The following ITGB1 variants were observed in gnomAD, a reference collection of about 807,000 sequenced individuals.
The protein encoded by ITGB1 is integrin beta-1.
Under a neutral mutation model 86.5 loss-of-function variants are expected in ITGB1, and 24 were observed. That is an observed-to-expected ratio of 0.28 (90% CI 0.20 to 0.39). The LOEUF is 0.39. Among genes scored for constraint, ITGB1 ranks in the 10% least tolerant of loss-of-function variants. ITGB1 has a pLI of 1.00. For synonymous variants in ITGB1, 323 were observed against 316.8 expected (o/e 1.02, Z -0.21); for missense variants, 556 against 946.9 (o/e 0.59, Z 5.42).
At chr10:32,908,656 C>T (rs1663259664) in intron 14 of ITGB1, 122 bp from the exon 15 acceptor site, 1 of 717,402 alleles carries the variant, frequency 1.4e-6, no homozygotes, top group South Asian at 2.3e-5. Flanking sequence ...TATAAAATAG[C>T]TCTTAGAACT....
intron 15 of ITGB1, among the ~76,000 whole-genome samples, chr10:32,902,984 A>G (rs926437423): frequency 6.6e-6 from 1 of 152,184 alleles, no homozygotes; most frequent in Non-Finnish European, 1.5e-5. Flanking sequence ...GGTAAATAGC[A>G]ATCTATGCAA....
chr10:32,912,171 T>G, intron 11 of ITGB1, 47 bp from the exon 12 acceptor site: 1 of 1,521,164 alleles, frequency 6.6e-7, no homozygotes, highest in Non-Finnish European at 9.0e-7. Flanking sequence ...AAAAATAATT[T>G]AAGAGGTTCC....
intron 1 of ITGB1, chr10:32,944,619 TGA>T: frequency 3.4e-6 from 2 of 589,716 alleles, no homozygotes; most frequent in Non-Finnish European, 6.6e-6. Flanking sequence ...CTATATGAGC[TGA>T]AAAATCTCAC....
rs369605486 is a variant in ITGB1 at position 32,912,763 on chromosome 10, G to A, written c.1470-639C>T. Reference sequence around the variant, plus strand: ...GGGCATAGCTGAACAAAATCCAGCAGAAACTTCTGCAGACTTAAACATCCG... The same window carrying A: ...GGGCATAGCTGAACAAAATCCAGCAAAAACTTCTGCAGACTTAAACATCCG... On this transcript the variant is annotated intron_variant, in intron 11 of 15. Transcript: ENST00000302278. 3.3e-5 allele frequency among the ~76,000 whole-genome samples: 5 copies of A among 152,360 alleles called. No individual in the cohort carries two copies. The East Asian group carries it at 5.8e-4, about 18-fold the overall frequency.
intron 1 of ITGB1, among the ~76,000 whole-genome samples, chr10:32,943,512 C>T (rs2095023967): frequency 6.6e-6 from 1 of 151,880 alleles, no homozygotes; most frequent in African/African-American, 2.4e-5. Flanking sequence ...AGGTGCAGTG[C>T]TACCAAAAAG....
rs924030166 is a variant in ITGB1, at chr10:32,900,318, T to G, written c.*1252A>C. 2.0e-5 allele frequency: 3 copies of G among 152,460 alleles called. No homozygotes were observed. Among genetic ancestry groups the G allele is most frequent in the Non-Finnish European group, 4.4e-5 (3 of 68,020 alleles). The allele number at this position is 152,460 out of a possible 1,614,324, so 9.4% of individuals were successfully genotyped here. ...AAGTGAACTACCCACCAACCAGAAA[T>G]GCTTTTCCTCAACTTCTTTAATCTA... On this transcript the variant is annotated 3_prime_UTR_variant, in exon 16 of 16. Coordinates refer to ENST00000302278, the MANE Select transcript of ITGB1 (RefSeq NM_002211.4).
chr10:32,912,189 C>T, intron 11 of ITGB1, 65 bp from the exon 12 acceptor site: 2 of 1,358,810 alleles, frequency 1.5e-6, no homozygotes, highest in Non-Finnish European at 1.0e-6. Context: ...TCCAAGATGG[C>T]CAAACAGGAA....
In ITGB1 at chr10:32,923,744, G is replaced by C; in HGVS notation, c.787-4C>G. 6.2e-7 allele frequency: 1 copy of C among 1,605,326 alleles called. No individual in the cohort carries two copies. Among genetic ancestry groups the C allele is most frequent in the Non-Finnish European group, 8.5e-7 (1 of 1,176,768 alleles). ...CATTCCTCCAGCCAATCAGTGACTT[G>C]AAAAGAAAAGGATTTCAATTTTAAA... On this transcript the variant is annotated splice_region_variant and splice_polypyrimidine_tract_variant and intron_variant, in intron 6 of 15. Transcript: ENST00000302278.
chr10:32,934,228 G>A (rs545477453), intron 2 of ITGB1, among the ~76,000 whole-genome samples: 2 of 151,998 alleles, frequency 1.3e-5, no homozygotes, highest in Non-Finnish European at 2.9e-5. Context: ...AAGCAACCAC[G>A]GATCAAAAAT....
At chr10:32,902,457 T>C (rs987030188) in intron 15 of ITGB1, among the ~76,000 whole-genome samples, 3 of 152,234 alleles carry the variant, frequency 2.0e-5, no homozygotes, top group Non-Finnish European at 2.9e-5. Flanking sequence ...ATTTAAATAC[T>C]TGCTATAGCA....
intron 1 of ITGB1, among the ~76,000 whole-genome samples, chr10:32,947,999 T>C (rs1216635681): frequency 7.2e-6 from 1 of 138,992 alleles, no homozygotes; most frequent in Non-Finnish European, 1.7e-5. Flanking sequence ...GAAGTAACTA[T>C]GGTTGAATTT....
chr10:32,917,140 T>C (rs542423021), intron 11 of ITGB1, among the ~76,000 whole-genome samples: 63 of 152,314 alleles, frequency 4.1e-4, no homozygotes, highest in Non-Finnish European at 7.3e-4. Context: ...GCTAGCCATA[T>C]GGAGAAAGCT....
chr10:32,926,227 T>C (rs1157860817), intron 5 of ITGB1, 118 bp from the exon 6 acceptor site: 1 of 756,398 alleles, frequency 1.3e-6, no homozygotes, highest in Admixed American at 2.6e-5. Flanking sequence ...ATGGACTGAA[T>C]GTCTGTGTTA....
chr10:32,912,185 A>T, intron 11 of ITGB1, 61 bp from the exon 12 acceptor site: 2 of 1,388,648 alleles, frequency 1.4e-6, no homozygotes, highest in South Asian at 1.3e-5. Flanking sequence ...AGGTTCCAAG[A>T]TGGCCAAACA....
chr10:32,944,217 T>C (rs1404950793), intron 1 of ITGB1, among the ~76,000 whole-genome samples: 1 of 152,154 alleles, frequency 6.6e-6, no homozygotes, highest in Non-Finnish European at 1.5e-5. Flanking sequence ...CAGTGACCAA[T>C]GGCCACTAAA....
At chr10:32,911,721 T>C in intron 12 of ITGB1, 51 bp from the exon 13 acceptor site, 1 of 1,580,536 alleles carries the variant, frequency 6.3e-7, no homozygotes, top group Non-Finnish European at 8.7e-7. Context: ...ACAATCACAG[T>C]ATTGACTGAA....
chr10:32,923,363 C>T (rs1043536905), intron 7 of ITGB1, among the ~76,000 whole-genome samples: 4 of 152,142 alleles, frequency 2.6e-5, no homozygotes, highest in Non-Finnish European at 5.9e-5. Context: ...CCCTTTCCCA[C>T]CCCAGTGAGG....
intron 11 of ITGB1, among the ~76,000 whole-genome samples, chr10:32,915,529 T>C (rs1002053389): frequency 1.3e-5 from 2 of 152,156 alleles, no homozygotes; most frequent in Admixed American, 1.3e-4. Flanking sequence ...GAGAATACTA[T>C]AAACACCACT....
intron 1 of ITGB1, among the ~76,000 whole-genome samples, chr10:32,953,998 C>T (rs543707042): frequency 3.3e-5 from 5 of 152,130 alleles, no homozygotes; most frequent in South Asian, 2.1e-4. Flanking sequence ...CCTCCACCCC[C>T]CCTTGACTAT....
Sources: gnomAD v4.1 joint callset for allele counts (sites outside exome capture counted in the v4.1 genomes callset) on GRCh38, gnomAD v4.1.1 for gene constraint, MANE v1.5 for transcripts, NCBI Gene and HGNC (gene_info 2026-07-23, HGNC 2026-07-21) for gene names.